SEMA3D: variants seen among roughly 807,000 people sequenced by gnomAD.
SEMA3D encodes the protein semaphorin 3D, also known as semaphorin-3D.
SEMA3D carries 84 observed loss-of-function variants against 100.1 expected under a neutral mutation model. That is an observed-to-expected ratio of 0.84 (90% confidence interval 0.70 to 1.01). The LOEUF (loss-of-function observed/expected upper bound fraction) is 1.01. Among genes scored for constraint, SEMA3D ranks in the 50% least tolerant of loss-of-function variants. The pLI, the probability that SEMA3D is intolerant of heterozygous loss-of-function variation, is 0.00. For synonymous variants in SEMA3D, 312 were observed against 320.7 expected, an observed-to-expected ratio of 0.97 and a Z score of 0.29; for missense variants, 875 against 934.1, an observed-to-expected ratio of 0.94 and a Z score of 0.82.
chr7:85,134,834 C>CT (rs1244849003), intron 2 of SEMA3D, among the ~76,000 whole-genome samples: 1 of 151,920 alleles, frequency 6.6e-6, no homozygotes, highest in Non-Finnish European at 1.5e-5. Context: ...AACTCAAAAA[C>CT]TTTGTGTCTC....
intron 6 of SEMA3D, among the ~76,000 whole-genome samples, chr7:85,070,808 T>C (rs1369571334): frequency 6.6e-6 from 1 of 152,192 alleles, no homozygotes; most frequent in Non-Finnish European, 1.5e-5. Flanking sequence ...TTGGAGACAG[T>C]CTTGCTCTGT....
chr7:85,059,932 ATG>A (rs1462058496), intron 8 of SEMA3D, among the ~76,000 whole-genome samples: 1 of 152,216 alleles, frequency 6.6e-6, no homozygotes, highest in Non-Finnish European at 1.5e-5. Flanking sequence ...GTTGACAGGT[ATG>A]GCTATTTGAA....
At chr7:85,178,083 G>A (rs555368070) in intron 1 of SEMA3D, among the ~76,000 whole-genome samples, 29 of 152,228 alleles carry the variant, frequency 1.9e-4, no homozygotes, top group African/African-American at 6.3e-4. Flanking sequence ...AGAAGGACAG[G>A]TTTGCTTCCC....
intron 9 of SEMA3D, among the ~76,000 whole-genome samples, chr7:85,053,374 T>C (rs1791220445): frequency 6.6e-6 from 1 of 151,972 alleles, no homozygotes; most frequent in African/African-American, 2.4e-5. Context: ...AAAAAAACAG[T>C]ATTATAATGA....
chr7:85,037,059 A>C (rs1388773596), intron 11 of SEMA3D, 26 bp from the exon 12 acceptor site: 1 of 1,605,668 alleles, frequency 6.2e-7, no homozygotes, highest in African/African-American at 1.3e-5. Context: ...ATCATCATTC[A>C]ATCATTCACT....
intron 15 of SEMA3D, among the ~76,000 whole-genome samples, chr7:85,015,803 A>G (rs1037018730): frequency 2.6e-5 from 4 of 151,718 alleles, no homozygotes; most frequent in East Asian, 1.9e-4. Context: ...ATACTGAAAA[A>G]CCCAGCAAAC....
intron 2 of SEMA3D, chr7:85,142,674 ATTTTTT>A (rs58949011): frequency 1.5e-5 from 14 of 909,032 alleles, no homozygotes; most frequent in African/African-American, 3.9e-5. Context: ...GAAGGATGGC[ATTTTTT>A]TTTTTTTTTT....
chr7:85,198,308 A>G, the SEMA3D span, among the ~76,000 whole-genome samples: 9 of 152,074 alleles, frequency 5.9e-5, no homozygotes, highest in East Asian at 1.7e-3. Flanking sequence ...TTCTTTCATT[A>G]TATTGTCTCA....
chr7:85,237,012 T>C, the SEMA3D span, among the ~76,000 whole-genome samples: 5 of 152,230 alleles, frequency 3.3e-5, no homozygotes, highest in Non-Finnish European at 5.9e-5. Flanking sequence ...TTTGTAATAA[T>C]ATACTAAAAA....
At chr7:85,180,472 A>C (rs1323372400) in intron 1 of SEMA3D, among the ~76,000 whole-genome samples, 1 of 152,226 alleles carries the variant, frequency 6.6e-6, no homozygotes, top group Non-Finnish European at 1.5e-5. Context: ...AATCTTATTG[A>C]CACCAGAGAA....
At chr7:85,134,343 C>G (rs1447488725) in intron 2 of SEMA3D, among the ~76,000 whole-genome samples, 1 of 151,852 alleles carries the variant, frequency 6.6e-6, no homozygotes, top group Non-Finnish European at 1.5e-5. Flanking sequence ...TGACAGAAAG[C>G]CAACCTAAAG....
intron 3 of SEMA3D, among the ~76,000 whole-genome samples, chr7:85,120,599 C>T (rs1260740279): frequency 1.4e-5 from 2 of 142,790 alleles, no homozygotes; most frequent in Non-Finnish European, 1.5e-5. Context: ...ACCCAGGAGG[C>T]GGAGGTTGCA....
chr7:85,085,154 A>G (rs954844263), intron 4 of SEMA3D, among the ~76,000 whole-genome samples: 23 of 152,176 alleles, frequency 1.5e-4, no homozygotes, highest in Admixed American at 1.4e-3. Context: ...TTTAGATGAT[A>G]ATCAGGTTTA....
At chr7:85,103,069 G>A (rs1238078821) in intron 3 of SEMA3D, among the ~76,000 whole-genome samples, 2 of 152,026 alleles carry the variant, frequency 1.3e-5, no homozygotes, top group Non-Finnish European at 2.9e-5. Flanking sequence ...TTCTTAGGCT[G>A]ACACACACAT....
chr7:85,181,858 A>ATC, intron 1 of SEMA3D: 5 of 380,780 alleles, frequency 1.3e-5, no homozygotes, highest in South Asian at 1.1e-4. Flanking sequence ...TAAAGCATCC[A>ATC]ATATTAATAA....
At chr7:85,022,730 G>C in intron 12 of SEMA3D, 117 bp from the exon 13 acceptor site, 2 of 682,604 alleles carry the variant, frequency 2.9e-6, no homozygotes, top group Non-Finnish European at 5.2e-6. Context: ...ATGGACAACA[G>C]AGTCAATATG....
rs1181945154 is a variant in SEMA3D at position 85,065,560 on chromosome 7, G to C, written c.590-8C>G. On this transcript the variant is annotated splice_region_variant and splice_polypyrimidine_tract_variant and intron_variant, in intron 7 of 18. Transcript: ENST00000284136. ...CAGAGTAGAGGTACTCATCTGAGAG[G>C]GAGAAAAAAGTACACAGAACTTTTA... 6.2e-7 allele frequency: 1 copy of C among 1,610,324 alleles called. No individual in the cohort carries two copies. The highest frequency in any genetic ancestry group is 2.2e-5 in the East Asian group (1 of 44,804).
chr7:85,149,403 G>A lies in SEMA3D; in HGVS notation c.-41+4205C>T, dbSNP rs182210986. Among the ~76,000 whole-genome samples, 165 of 152,234 alleles carry A rather than the reference G, an allele frequency of 1.1e-3. 1 individual carries two copies. Among genetic ancestry groups the A allele is most frequent in the South Asian group, 4.3e-3 (21 of 4,828 alleles). ...CAGGAGGTTGCAGTGAGCCAAGATC[G>A]TGTCACTGCGTTCCAGCCTGGATGA... On this transcript the variant is annotated intron_variant, in intron 2 of 18. Transcript: ENST00000284136.
At chr7:85,142,159 G>A in intron 2 of SEMA3D, 17 of 984,560 alleles carry the variant, frequency 1.7e-5, no homozygotes, top group Non-Finnish European at 1.9e-5. Context: ...TGCTGAAAAG[G>A]ACAATTCGCT....
Sources: allele counts gnomAD v4.1 joint callset (sites outside exome capture counted in the v4.1 genomes callset), GRCh38; gene constraint gnomAD v4.1.1; transcripts MANE v1.5; gene names NCBI Gene and HGNC (gene_info 2026-07-23, HGNC 2026-07-21).